The following BMPR1B variants were observed in gnomAD, a reference collection of about 807,000 sequenced individuals.
BMPR1B encodes the protein bone morphogenetic protein receptor type 1B, also known as bone morphogenetic protein receptor type-1B.
In BMPR1B, 12 loss-of-function variants were observed where a neutral mutation model predicts 59.1. The ratio of observed to expected loss-of-function variants is 0.20; its 90% CI spans 0.13 to 0.33. The LOEUF (loss-of-function observed/expected upper bound fraction) is 0.33, where lower values mean the gene tolerates loss of function less well. Ranked by LOEUF, BMPR1B falls within the 10% of genes least tolerant of loss-of-function variation. BMPR1B has a pLI of 1.00. For missense variants in BMPR1B, 550 were observed against 610.9 expected, an observed-to-expected ratio of 0.90 and a Z score of 1.05; for synonymous variants, 237 against 207.3, an observed-to-expected ratio of 1.14 and a Z score of -1.23.
chr4:94,961,366 C>T (rs1313173091), intron 2 of BMPR1B, among the ~76,000 whole-genome samples: 3 of 152,088 alleles, frequency 2.0e-5, no homozygotes, highest in African/African-American at 7.2e-5. Flanking sequence ...ACCACATGGC[C>T]GGCAAAACCC....
intron 3 of BMPR1B, among the ~76,000 whole-genome samples, chr4:95,008,178 C>T (rs185328324): frequency 1.7e-4 from 26 of 152,284 alleles, no homozygotes; most frequent in South Asian, 6.2e-4. Flanking sequence ...CTTAAGTAAA[C>T]TATTGAATAT....
intron 2 of BMPR1B, among the ~76,000 whole-genome samples, chr4:94,971,491 T>A (rs968454149): frequency 1.3e-5 from 2 of 152,140 alleles, no homozygotes; most frequent in Non-Finnish European, 2.9e-5. Context: ...TACAATATTT[T>A]AATTTAATTC....
intron 2 of BMPR1B, among the ~76,000 whole-genome samples, chr4:94,888,898 C>A (rs371836274): frequency 6.6e-6 from 1 of 151,964 alleles, no homozygotes; most frequent in South Asian, 2.1e-4. Flanking sequence ...AATCATATCT[C>A]TAAGGAAACC....
intron 3 of BMPR1B, among the ~76,000 whole-genome samples, chr4:95,034,641 T>TTATATATA (rs140594794): frequency 6.7e-6 from 1 of 149,556 alleles, no homozygotes; most frequent in Non-Finnish European, 1.5e-5. Flanking sequence ...TATTCCATGT[T>TTATATATA]TATATATATA....
At chr4:94,824,452 A>G (rs1483392886) in intron 1 of BMPR1B, among the ~76,000 whole-genome samples, 1 of 152,208 alleles carries the variant, frequency 6.6e-6, no homozygotes, top group Non-Finnish European at 1.5e-5. Context: ...GGAGCTTCCA[A>G]ACTTGAACCA....
Position 95,139,687 on chromosome 4 carries a change from C to T in BMPR1B, c.1076+8175C>T, listed in dbSNP as rs553933801. 4.6e-5 allele frequency among the ~76,000 whole-genome samples: 7 copies of T among 152,312 alleles called. No individual in the cohort carries two copies. In the South Asian group the frequency reaches 1.2e-3, roughly 27 times the overall value. On this transcript the variant is annotated intron_variant, in intron 10 of 12. Transcript: ENST00000515059. ...ACTGCTGTGCTAGCAATGAGCGAGG[C>T]TCCATGGGCGTGGGACCCTCCGAGC...
chr4:95,047,026 T>A (rs763982774), intron 3 of BMPR1B, among the ~76,000 whole-genome samples: 2 of 152,200 alleles, frequency 1.3e-5, no homozygotes, highest in Non-Finnish European at 2.9e-5. Flanking sequence ...GGAGTGAATG[T>A]TTAACTGCTA....
chr4:94,848,190 A>T, intron 1 of BMPR1B, among the ~76,000 whole-genome samples: 1 of 91,840 alleles, frequency 1.1e-5, no homozygotes, highest in African/African-American at 6.3e-5. Flanking sequence ...ATTAGGAATT[A>T]GAAGAAAAGG....
chr4:94,808,510 C>T (rs1723693777), intron 1 of BMPR1B, among the ~76,000 whole-genome samples: 1 of 152,128 alleles, frequency 6.6e-6, no homozygotes, highest in Admixed American at 6.6e-5. Context: ...TGAAGTAATA[C>T]TGAAATGAGC....
intron 1 of BMPR1B, among the ~76,000 whole-genome samples, chr4:94,787,758 T>G (rs2110596614): frequency 6.6e-6 from 1 of 152,030 alleles, no homozygotes; most frequent in African/African-American, 2.4e-5. Flanking sequence ...AGGCGAGAAC[T>G]TAGATGGGTA....
chr4:94,976,667 C>T (rs1401517728), intron 2 of BMPR1B, among the ~76,000 whole-genome samples: 1 of 152,156 alleles, frequency 6.6e-6, no homozygotes, highest in Non-Finnish European at 1.5e-5. Context: ...CTTTGGAAAA[C>T]CTTTGAACTA....
intron 3 of BMPR1B, among the ~76,000 whole-genome samples, chr4:95,078,149 G>A (rs1380949128): frequency 2.6e-5 from 4 of 152,120 alleles, no homozygotes; most frequent in Admixed American, 6.5e-5. Context: ...GTGAAATGAT[G>A]CAACAAAGTA....
chr4:94,808,639 A>G (rs1723698131), intron 1 of BMPR1B, among the ~76,000 whole-genome samples: 1 of 152,220 alleles, frequency 6.6e-6, no homozygotes, highest in African/African-American at 2.4e-5. Flanking sequence ...TGCACTTTCA[A>G]AACTAGAATC....
chr4:95,076,388 T>A lies in BMPR1B; in HGVS notation c.-17-28020T>A, dbSNP rs550097609. ...AATACTTTATACTTAGAAATTTAAA[T>A]GTCTTTCTTCAAAAATTTGCAAGAC... On this transcript the variant is annotated intron_variant, in intron 3 of 12. Coordinates refer to ENST00000515059, the MANE Select transcript of BMPR1B (RefSeq NM_001203.3). Among the ~76,000 whole-genome samples, 272 of 152,230 alleles carry A rather than the reference T, an allele frequency of 1.8e-3. 1 individual carries two copies. Among genetic ancestry groups the A allele is most frequent in the African/African-American group, 6.4e-3 (265 of 41,568 alleles).
chr4:94,981,501 G>A (rs1317006142), intron 2 of BMPR1B, among the ~76,000 whole-genome samples: 1 of 152,182 alleles, frequency 6.6e-6, no homozygotes, highest in East Asian at 1.9e-4. Flanking sequence ...CACACCACAT[G>A]ATAGTTAAAT....
chr4:94,908,695 A>G (rs943449633), intron 2 of BMPR1B, among the ~76,000 whole-genome samples: 1 of 152,064 alleles, frequency 6.6e-6, no homozygotes. Context: ...ACTGATAGGT[A>G]TCTGCAGCTG....
At chr4:94,882,119 C>G (rs954585756) in intron 2 of BMPR1B, among the ~76,000 whole-genome samples, 1 of 152,042 alleles carries the variant, frequency 6.6e-6, no homozygotes, top group African/African-American at 2.4e-5. Flanking sequence ...TGCTACTGTC[C>G]CCCTCACTGT....
intron 2 of BMPR1B, among the ~76,000 whole-genome samples, chr4:94,952,566 G>A (rs948947976): frequency 2.4e-4 from 36 of 152,098 alleles, no homozygotes; most frequent in Admixed American, 2.1e-3. Context: ...GTAGTTGTGC[G>A]GTTTTGAGTG....
intron 3 of BMPR1B, among the ~76,000 whole-genome samples, chr4:95,096,298 A>G (rs961991962): frequency 1.3e-5 from 2 of 151,774 alleles, no homozygotes; most frequent in Admixed American, 1.3e-4. Context: ...ACATGTATAT[A>G]ACTGCAATAT....
Sources: allele counts gnomAD v4.1 joint callset (sites outside exome capture counted in the v4.1 genomes callset), GRCh38; gene constraint gnomAD v4.1.1; transcripts MANE v1.5; gene names NCBI Gene and HGNC (gene_info 2026-07-23, HGNC 2026-07-21).